Variants in NEBL observed in about 807,000 individuals in gnomAD.
The protein encoded by NEBL is nebulette, also known as LIM and SH3 protein 2.
In NEBL, 122 loss-of-function variants were observed where a neutral mutation model predicts 140.2. The observed-to-expected ratio is 0.87, with a 90% CI of 0.75 to 1.01. NEBL has a LOEUF of 1.01. Among genes scored for constraint, NEBL ranks in the 50% least tolerant of loss-of-function variants. The pLI is 0.00. For synonymous variants in NEBL, 436 were observed against 398.9 expected (o/e 1.09, Z -1.11); for missense variants, 1,365 against 1,231.3 (o/e 1.11, Z -1.62).
intron 4 of NEBL, among the ~76,000 whole-genome samples, chr10:20,917,706 C>T (rs565925081): frequency 3.3e-5 from 5 of 152,286 alleles, no homozygotes; most frequent in African/African-American, 9.6e-5. Flanking sequence ...TCATGTAAAA[C>T]ACTTAGCAGC....
At chr10:21,222,911 C>T (rs924896643) in intron 3 of NEBL, among the ~76,000 whole-genome samples, 1 of 152,152 alleles carries the variant, frequency 6.6e-6, no homozygotes, top group African/African-American at 2.4e-5. Context: ...TACAGGCATG[C>T]ACCACCATGC....
At chr10:21,028,059 T>G (rs1185916782) in intron 2 of NEBL, among the ~76,000 whole-genome samples, 1 of 151,276 alleles carries the variant, frequency 6.6e-6, no homozygotes. Flanking sequence ...AAACCCTGTC[T>G]CTACTAAAAA....
At chr10:20,975,015 C>T (rs377543836) in intron 3 of NEBL, among the ~76,000 whole-genome samples, 1 of 152,250 alleles carries the variant, frequency 6.6e-6, no homozygotes, top group African/African-American at 2.4e-5. Flanking sequence ...CATGGTGTTA[C>T]AGGTACAATT....
chr10:20,808,234 T>G (rs1837788958), intron 26 of NEBL, among the ~76,000 whole-genome samples: 1 of 152,004 alleles, frequency 6.6e-6, no homozygotes, highest in African/African-American at 2.4e-5. Flanking sequence ...TGAAACAGAC[T>G]CAAGCAGCAA....
intron 2 of NEBL, among the ~76,000 whole-genome samples, chr10:21,111,816 G>C (rs1036744246): frequency 6.6e-6 from 1 of 151,454 alleles, no homozygotes; most frequent in African/African-American, 2.4e-5. Flanking sequence ...TACAGAATGG[G>C]AGAAAATCTT....
intron 3 of NEBL, among the ~76,000 whole-genome samples, chr10:21,001,074 A>G (rs1837874470): frequency 6.6e-6 from 1 of 152,064 alleles, no homozygotes; most frequent in East Asian, 1.9e-4. Context: ...GCTTGTATAG[A>G]TCCTCCCTTC....
At chr10:21,199,553 G>A (rs1841702001) in intron 3 of NEBL, among the ~76,000 whole-genome samples, 1 of 152,192 alleles carries the variant, frequency 6.6e-6, no homozygotes. Flanking sequence ...CACAGTCACA[G>A]GTGGGCACAT....
chr10:21,122,327 G>T (rs550446385), intron 2 of NEBL, among the ~76,000 whole-genome samples: 1 of 151,716 alleles, frequency 6.6e-6, no homozygotes, highest in Non-Finnish European at 1.5e-5. Context: ...CGCCCAGCCG[G>T]GATCTCTCCC....
intron 2 of NEBL, among the ~76,000 whole-genome samples, chr10:21,035,921 G>C (rs909306277): frequency 1.9e-4 from 29 of 152,240 alleles, no homozygotes; most frequent in Admixed American, 1.8e-3. Flanking sequence ...CCAGCACTTT[G>C]GGAGGCTGAG....
Position 21,265,988 on chromosome 10 carries a change from G to A in NEBL, n.183-14160C>T, listed in dbSNP as rs1042788718. Among the ~76,000 whole-genome samples the A allele has an allele frequency of 2.6e-5, 4 of 152,142 alleles. 1 individual carries two copies. The highest frequency in any genetic ancestry group is 6.3e-3 in the Middle Eastern group (2 of 316). ...AGTATTTATCAACAGACTCTAATCC[G>A]TCATTGGTTAAAAATTGCTTCTAGG... On this transcript the variant is annotated intron_variant and non_coding_transcript_variant, in intron 1 of 8. Coordinates refer to the NEBL transcript ENST00000675702.
chr10:21,254,953 G>C (rs1403251185), intron 1 of NEBL, among the ~76,000 whole-genome samples: 1 of 152,212 alleles, frequency 6.6e-6, no homozygotes, highest in East Asian at 1.9e-4. Flanking sequence ...TCACATGGCA[G>C]AGCACCTCAT....
At chr10:21,020,364 AT>A (rs971551405) in intron 2 of NEBL, among the ~76,000 whole-genome samples, 8 of 152,154 alleles carry the variant, frequency 5.3e-5, no homozygotes, top group African/African-American at 1.9e-4. Flanking sequence ...TCCAGACCTC[AT>A]CCCATTCTCA....
At position 21,022,249 on chromosome 10, in the gene NEBL, T is replaced by C. The variant is rs543835716; in HGVS notation, c.165-2048A>G. ...TTTCTAGCCCCTCTCCTTTCTGGTATCCACGTGTGTCTCTTCCTGTGGCTT... is the reference window on the plus strand; with the variant it reads ...TTTCTAGCCCCTCTCCTTTCTGGTACCCACGTGTGTCTCTTCCTGTGGCTT... On this transcript the variant is annotated intron_variant, in intron 2 of 6. Transcript: ENST00000417816. Among the ~76,000 whole-genome samples, 30 of 152,306 alleles carry C rather than the reference T, an allele frequency of 2.0e-4. 1 individual carries two copies. Among genetic ancestry groups the C allele is most frequent in the South Asian group, 1.5e-3 (7 of 4,822 alleles).
At chr10:21,024,645 C>T (rs1838949111) in intron 2 of NEBL, among the ~76,000 whole-genome samples, 1 of 151,864 alleles carries the variant, frequency 6.6e-6, no homozygotes, top group Non-Finnish European at 1.5e-5. Flanking sequence ...ATGAAAATTA[C>T]AATATCTGTA....
At chr10:21,157,163 C>T (rs906189292) in intron 2 of NEBL, among the ~76,000 whole-genome samples, 3 of 152,054 alleles carry the variant, frequency 2.0e-5, no homozygotes, top group African/African-American at 7.2e-5. Context: ...AAGGAAGAAA[C>T]AGACACTGTG....
intron 2 of NEBL, among the ~76,000 whole-genome samples, chr10:21,077,315 C>T (rs139748260): frequency 6.6e-6 from 1 of 152,108 alleles, no homozygotes; most frequent in Admixed American, 6.6e-5. Flanking sequence ...TTTTAAATTG[C>T]TTTTGCTGGC....
intron 4 of NEBL, among the ~76,000 whole-genome samples, chr10:20,955,537 GA>G (rs1835757944): frequency 6.6e-6 from 1 of 152,172 alleles, no homozygotes; most frequent in Non-Finnish European, 1.5e-5. Context: ...GAACAGAGGT[GA>G]AAAGTAGTGA....
At chr10:21,122,684 G>A (rs1838634908) in intron 2 of NEBL, among the ~76,000 whole-genome samples, 1 of 152,152 alleles carries the variant, frequency 6.6e-6, no homozygotes, top group Admixed American at 6.5e-5. Flanking sequence ...GAGATCTGAA[G>A]TTTAGGATGG....
chr10:20,835,514 T>C lies in NEBL; in HGVS notation c.1448A>G (p.Glu483Gly). 1 of 1,607,448 alleles carries C rather than the reference T, an allele frequency of 6.2e-7. No individual in the cohort carries two copies. The highest frequency in any genetic ancestry group is 1.3e-5 in the African/African-American group (1 of 74,930). ...GCCTGCATCACGCACCCTACTAACC[T>C]CACTCGCTATCTCTGCAGCCTTCTT... Reference protein sequence around the residue: ...HAKKAAEIASEKDYKRDLETE... With the variant: ...HAKKAAEIASGKDYKRDLETE... Residue 483 changes from glutamate to glycine, a missense_variant and splice_region_variant, in exon 14 of 28, where the codon GAG (glutamate) becomes GGG (glycine). Glu to Gly is a moderately conservative substitution (Grantham distance 98). Coordinates refer to ENST00000377122, the MANE Select transcript of NEBL (RefSeq NM_006393.3).
Sources: allele counts gnomAD v4.1 joint callset (sites outside exome capture counted in the v4.1 genomes callset), GRCh38; gene constraint gnomAD v4.1.1; transcripts MANE v1.5; gene names NCBI Gene and HGNC (gene_info 2026-07-23, HGNC 2026-07-21).